The following PIBF1 variants were observed in gnomAD, a reference collection of about 807,000 sequenced individuals.
The protein encoded by PIBF1 is progesterone-induced-blocking factor 1.
A neutral mutation model predicts 112.5 loss-of-function variants in PIBF1; 90 were observed. That is an observed-to-expected ratio of 0.80 (90% CI 0.67 to 0.95). PIBF1 has a LOEUF of 0.95. Ranked by LOEUF, PIBF1 falls within the 40% of genes least tolerant of loss-of-function variation. PIBF1 has a pLI of 0.00. For synonymous variants in PIBF1, 301 were observed against 288.6 expected, an observed-to-expected ratio of 1.04 and a Z score of -0.44; for missense variants, 915 against 852.3, an observed-to-expected ratio of 1.07 and a Z score of -0.92.
chr13:72,788,558 G>A (rs904039253), intron 2 of PIBF1, among the ~76,000 whole-genome samples: 1 of 152,164 alleles, frequency 6.6e-6, no homozygotes, highest in Non-Finnish European at 1.5e-5. Flanking sequence ...TCTGCCTCCA[G>A]TATTGTGTAC....
intron 16 of PIBF1, among the ~76,000 whole-genome samples, chr13:72,990,625 A>C (rs139568086): frequency 7.2e-5 from 11 of 151,744 alleles, no homozygotes; most frequent in African/African-American, 2.7e-4. Context: ...AGGTGGGTGG[A>C]TCACCCAAGG....
At chr13:72,901,195 C>A in intron 11 of PIBF1, 1 of 278,960 alleles carries the variant, frequency 3.6e-6, no homozygotes, top group African/African-American at 2.3e-5. Context: ...CCGGAATCTA[C>A]AGTGAACTCA....
At chr13:72,909,516 C>T (rs1306460854) in intron 12 of PIBF1, among the ~76,000 whole-genome samples, 6 of 145,308 alleles carry the variant, frequency 4.1e-5, no homozygotes, top group Admixed American at 1.4e-4. Flanking sequence ...TTTTTTGAGA[C>T]GGAGTTTCAC....
At chr13:72,831,328 G>T (rs1281440921) in intron 8 of PIBF1, among the ~76,000 whole-genome samples, 1 of 152,048 alleles carries the variant, frequency 6.6e-6, no homozygotes, top group Admixed American at 6.5e-5. Context: ...GTTTGCTGTT[G>T]CTTCTCTAGT....
intron 13 of PIBF1, among the ~76,000 whole-genome samples, chr13:72,919,108 C>CT (rs1364367558): frequency 4.6e-5 from 7 of 151,894 alleles, no homozygotes; most frequent in Admixed American, 3.9e-4. Flanking sequence ...TTCAGAGTTG[C>CT]TTTTTTTTAT....
chr13:72,838,262 T>C (rs1173892625), intron 9 of PIBF1, among the ~76,000 whole-genome samples: 1 of 152,008 alleles, frequency 6.6e-6, no homozygotes, highest in Non-Finnish European at 1.5e-5. Flanking sequence ...TAAAGACAAA[T>C]AGAGAAACAA....
At chr13:72,821,822 A>G (rs1282662411) in intron 5 of PIBF1, 27 bp from the exon 6 acceptor site, 4 of 1,576,144 alleles carry the variant, frequency 2.5e-6, no homozygotes, top group Non-Finnish European at 3.5e-6. Flanking sequence ...TTAGTCTGAA[A>G]TGTGTTATTA....
intron 10 of PIBF1, among the ~76,000 whole-genome samples, chr13:72,887,174 A>T (rs1381943262): frequency 6.6e-6 from 1 of 151,734 alleles, no homozygotes; most frequent in African/African-American, 2.4e-5. Flanking sequence ...TATATTTAAA[A>T]TTTTTAAATA....
intron 10 of PIBF1, among the ~76,000 whole-genome samples, chr13:72,856,110 A>G (rs546574825): frequency 8.5e-5 from 13 of 152,336 alleles, no homozygotes; most frequent in Admixed American, 7.2e-4. Context: ...ACTGATGTTC[A>G]TCCGAAGGCC....
chr13:72,908,702 A>G (rs1471835117), intron 12 of PIBF1, 21 bp downstream of exon 12: 3 of 1,580,000 alleles, frequency 1.9e-6, no homozygotes, highest in Non-Finnish European at 2.6e-6. Context: ...CCCCACACAC[A>G]CATGCACAAC....
chr13:72,920,807 A>C (rs1380293204), intron 13 of PIBF1, among the ~76,000 whole-genome samples: 1 of 152,142 alleles, frequency 6.6e-6, no homozygotes, highest in Non-Finnish European at 1.5e-5. Context: ...TCTCAAAAAA[A>C]GAAAAGAAAA....
intron 5 of PIBF1, among the ~76,000 whole-genome samples, chr13:72,806,997 T>C (rs78716652): frequency 6.6e-6 from 1 of 151,954 alleles, no homozygotes; most frequent in African/African-American, 2.4e-5. Context: ...TTTTTTTTTT[T>C]CTATTTTAAG....
intron 17 of PIBF1, among the ~76,000 whole-genome samples, chr13:73,014,794 A>G (rs1038228498): frequency 1.2e-4 from 18 of 151,582 alleles, no homozygotes. Context: ...CCTGGGCCCA[A>G]GTGATTTTTT....
At chr13:72,801,109 T>C (rs550305709) in intron 5 of PIBF1, among the ~76,000 whole-genome samples, 44 of 152,252 alleles carry the variant, frequency 2.9e-4, no homozygotes, top group African/African-American at 1.0e-3. Context: ...AGGAGGATAG[T>C]TGTAGTTAAG....
chr13:72,901,054 A>G lies in PIBF1; in HGVS notation c.1488+7105A>G, dbSNP rs1306437956. ...AAAAGCAAAAAACAAACAAACAAAC[A>G]AAAGCTAAATAGCTGGGACCTGATT... On this transcript the variant is annotated intron_variant, in intron 11 of 17. Coordinates refer to ENST00000326291, the MANE Select transcript of PIBF1 (RefSeq NM_006346.4). The G allele has an allele frequency of 3.2e-5, 14 of 443,450 alleles. No homozygotes were observed. In the East Asian group the frequency reaches 5.9e-4, roughly 19 times the overall value. The allele number at this position is 443,450 out of a possible 1,614,324, so 27.5% of individuals were successfully genotyped here.
chr13:72,851,693 A>G (rs549873178), intron 9 of PIBF1, among the ~76,000 whole-genome samples: 85 of 152,254 alleles, frequency 5.6e-4, no homozygotes, highest in Non-Finnish European at 1.0e-3. Context: ...CCAGTTTCAC[A>G]GAACGGAGTG....
chr13:72,818,678 CTTTT>C (rs3077726), intron 5 of PIBF1, among the ~76,000 whole-genome samples: 7 of 80,370 alleles, frequency 8.7e-5, no homozygotes, highest in African/African-American at 3.0e-4. Flanking sequence ...CAGTCTTAAA[CTTTT>C]TTTTTTTTTT....
intron 17 of PIBF1, among the ~76,000 whole-genome samples, chr13:73,009,387 A>G (rs2044130122): frequency 6.6e-6 from 1 of 152,192 alleles, no homozygotes; most frequent in African/African-American, 2.4e-5. Flanking sequence ...TCTGCACTTG[A>G]TCTCAGCCAA....
chr13:72,881,218 G>GAT (rs1294974358), intron 10 of PIBF1: 4 of 151,724 alleles, frequency 2.6e-5, no homozygotes, highest in Non-Finnish European at 4.4e-5. Context: ...TGAGCACAAT[G>GAT]ATAGGATCTT....
Sources: gnomAD v4.1 joint callset for allele counts (sites outside exome capture counted in the v4.1 genomes callset) on GRCh38, gnomAD v4.1.1 for gene constraint, MANE v1.5 for transcripts, NCBI Gene and HGNC (gene_info 2026-07-23, HGNC 2026-07-21) for gene names.